MMP16: variants seen among roughly 807,000 people sequenced by gnomAD.
MMP16 encodes the protein matrix metalloproteinase-16.
A neutral mutation model predicts 67.8 loss-of-function variants in MMP16; 12 were observed. The observed-to-expected ratio is 0.18, with a 90% CI of 0.11 to 0.29. MMP16 has a LOEUF of 0.29. Among genes scored for constraint, MMP16 ranks in the 10% least tolerant of loss-of-function variants. The probability of loss-of-function intolerance (pLI) is 1.00; values close to 1 mark genes in which losing one functional copy is unlikely to be tolerated. For missense variants in MMP16, 475 were observed against 765.7 expected (o/e 0.62, Z 4.48); for synonymous variants, 249 against 255.9 (o/e 0.97, Z 0.26).
chr8:88,218,566 A>G (rs184609954), intron 1 of MMP16, among the ~76,000 whole-genome samples: 1 of 152,218 alleles, frequency 6.6e-6, no homozygotes, highest in African/African-American at 2.4e-5. Flanking sequence ...TTCACAATGT[A>G]TGTTTATCAA....
intron 1 of MMP16, among the ~76,000 whole-genome samples, chr8:88,257,269 C>T (rs1345434421): frequency 1.3e-5 from 2 of 152,146 alleles, no homozygotes; most frequent in Non-Finnish European, 2.9e-5. Context: ...TAGCATGTTA[C>T]CTGTGTATAC....
At chr8:88,098,875 G>A (rs1469859166) in intron 6 of MMP16, among the ~76,000 whole-genome samples, 4 of 151,750 alleles carry the variant, frequency 2.6e-5, no homozygotes, top group Non-Finnish European at 1.5e-5. Flanking sequence ...TTTATATGTT[G>A]ATAAAACTAT....
chr8:88,095,482 G>A (rs1046069363), intron 6 of MMP16, among the ~76,000 whole-genome samples: 17 of 151,728 alleles, frequency 1.1e-4, no homozygotes, highest in African/African-American at 4.1e-4. Flanking sequence ...TTCAGTTCAG[G>A]CACAAAGTTG....
chr8:88,088,051 T>G (rs1267684172), intron 6 of MMP16, among the ~76,000 whole-genome samples: 2 of 38,810 alleles, frequency 5.2e-5, no homozygotes, highest in Non-Finnish European at 1.1e-4. Context: ...TAGATATCTA[T>G]TATATCTATA....
chr8:88,081,775 A>G (rs955035615), intron 6 of MMP16, among the ~76,000 whole-genome samples: 6 of 152,106 alleles, frequency 3.9e-5, no homozygotes, highest in African/African-American at 1.4e-4. Flanking sequence ...AAACAGCTCA[A>G]ATTTTAAAAT....
At chr8:88,107,234 A>G (rs1809258276) in intron 6 of MMP16, among the ~76,000 whole-genome samples, 1 of 151,082 alleles carries the variant, frequency 6.6e-6, no homozygotes, top group African/African-American at 2.4e-5. Flanking sequence ...ACATTTTTCT[A>G]TATAATCTTT....
At chr8:88,224,823 T>C (rs1361980985) in intron 1 of MMP16, among the ~76,000 whole-genome samples, 1 of 152,008 alleles carries the variant, frequency 6.6e-6, no homozygotes, top group Non-Finnish European at 1.5e-5. Context: ...AGAGTTAATG[T>C]GAGATGAAAA....
intron 1 of MMP16, among the ~76,000 whole-genome samples, chr8:88,281,268 A>G (rs1810731043): frequency 6.6e-6 from 1 of 152,242 alleles, no homozygotes; most frequent in South Asian, 2.1e-4. Context: ...CTCATCTTAA[A>G]TTCATGTAGA....
intron 6 of MMP16, among the ~76,000 whole-genome samples, chr8:88,100,539 C>G (rs564912465): frequency 3.3e-5 from 5 of 152,120 alleles, no homozygotes; most frequent in African/African-American, 1.2e-4. Context: ...GGACTGTAAA[C>G]TAGTTCAACC....
At position 88,153,297 on chromosome 8, in the gene MMP16, A is replaced by T. The variant is rs1260183149; in HGVS notation, c.709+14372T>A. Among the ~76,000 whole-genome samples, 6 of 152,298 alleles carry T rather than the reference A, an allele frequency of 3.9e-5. No individual in the cohort carries two copies. The South Asian group carries it at 8.3e-4, about 21-fold the overall frequency. On this transcript the variant is annotated intron_variant, in intron 4 of 9. Coordinates refer to ENST00000286614, the MANE Select transcript of MMP16 (RefSeq NM_005941.5). ...TGAAAATGGCCATACTGCCCAAGGT[A>T]ATTTACAGATTCAATGCCGTCCCCA... is the stretch of plus-strand genomic sequence containing the variant.
chr8:88,050,026 A>G (rs1808249876), intron 8 of MMP16, among the ~76,000 whole-genome samples: 1 of 152,014 alleles, frequency 6.6e-6, no homozygotes, highest in Non-Finnish European at 1.5e-5. Context: ...CCTTGTCACA[A>G]AATAATAATA....
intron 1 of MMP16, among the ~76,000 whole-genome samples, chr8:88,317,771 A>G (rs1451725503): frequency 6.6e-6 from 1 of 152,154 alleles, no homozygotes; most frequent in East Asian, 1.9e-4. Context: ...TACAAGAACA[A>G]TCTTAGGGCC....
chr8:88,209,163 A>C (rs1809475155), intron 1 of MMP16, among the ~76,000 whole-genome samples: 1 of 152,010 alleles, frequency 6.6e-6, no homozygotes. Flanking sequence ...AATAATTAAA[A>C]AATGTATTTC....
intron 4 of MMP16, among the ~76,000 whole-genome samples, chr8:88,161,627 C>G (rs1808625514): frequency 6.6e-6 from 1 of 152,038 alleles, no homozygotes; most frequent in Non-Finnish European, 1.5e-5. Flanking sequence ...TTCTCTAGTT[C>G]TTTTAATTGT....
rs34562051 is a variant in MMP16, at chr8:88,034,238, T to TAAAAAAAAA, written c.*7214_*7222dup. On this transcript the variant is annotated 3_prime_UTR_variant, in exon 10 of 10. Coordinates refer to ENST00000286614, the MANE Select transcript of MMP16 (RefSeq NM_005941.5). The stretch of plus-strand genomic sequence containing the variant: ...AAGGGAAGGGAAAACCAAATCTGTG[T>TAAAAAAAAA]AAAAAAAAAAAAAAAAGGCAAGATA... 8.5e-6 allele frequency: 1 copy of TAAAAAAAAA among 117,372 alleles called. No individual in the cohort carries two copies. Among genetic ancestry groups the TAAAAAAAAA allele is most frequent in the Non-Finnish European group, 1.8e-5 (1 of 54,140 alleles). The allele number at this position is 117,372 out of a possible 1,614,324, so 7.3% of individuals were successfully genotyped here.
intron 1 of MMP16, among the ~76,000 whole-genome samples, chr8:88,215,711 T>A (rs1809581507): frequency 6.6e-6 from 1 of 152,188 alleles, no homozygotes; most frequent in South Asian, 2.1e-4. Flanking sequence ...ACTGCTGTTC[T>A]TAATCTCAGT....
chr8:88,106,620 A>G (rs2118397256), intron 6 of MMP16, among the ~76,000 whole-genome samples: 1 of 151,396 alleles, frequency 6.6e-6, no homozygotes, highest in Non-Finnish European at 1.5e-5. Flanking sequence ...ACATTTTCAC[A>G]AATGTAAGAT....
intron 4 of MMP16, among the ~76,000 whole-genome samples, chr8:88,139,596 C>A (rs1468319111): frequency 2.6e-5 from 4 of 152,004 alleles, no homozygotes; most frequent in African/African-American, 9.7e-5. Context: ...GGGATAATTG[C>A]CAGTTTTTTT....
intron 1 of MMP16, among the ~76,000 whole-genome samples, chr8:88,241,918 G>T (rs371723834): frequency 6.6e-6 from 1 of 151,876 alleles, no homozygotes; most frequent in Non-Finnish European, 1.5e-5. Flanking sequence ...TAGCTAAGAC[G>T]GATATGAAAA....
Sources: allele counts gnomAD v4.1 joint callset (sites outside exome capture counted in the v4.1 genomes callset), GRCh38; gene constraint gnomAD v4.1.1; transcripts MANE v1.5; gene names NCBI Gene and HGNC (gene_info 2026-07-23, HGNC 2026-07-21).